The following UBE2L3 variants were observed in gnomAD, a reference collection of about 807,000 sequenced individuals.
UBE2L3 encodes ubiquitin conjugating enzyme E2 L3, also known as ubiquitin-conjugating enzyme E2 L3.
In UBE2L3, 1 loss-of-function variant was observed where a neutral mutation model predicts 17.8. The observed-to-expected ratio is 0.06, with a 90% CI of 0.02 to 0.27. UBE2L3 has a LOEUF of 0.27. Among genes scored for constraint, UBE2L3 ranks in the 10% least tolerant of loss-of-function variants. The pLI, the probability that UBE2L3 is intolerant of heterozygous loss-of-function variation, is 1.00. For synonymous variants in UBE2L3, 44 were observed against 68.5 expected (o/e 0.64, Z 1.76); for missense variants, 40 against 192.6 (o/e 0.21, Z 4.69).
Position 21,584,802 on chromosome 22 carries a change from A to G in UBE2L3, c.28-8059A>G, listed in dbSNP as rs1001418096. 5.9e-5 allele frequency among the ~76,000 whole-genome samples: 9 copies of G among 151,934 alleles called. No individual in the cohort carries two copies. The East Asian group carries it at 1.6e-3, about 27-fold the overall frequency. ...ATGGCAAAACCCCATCTCTACTAAA[A>G]ATACAAAAATGAGCTGGGCATGGTG... On this transcript the variant is annotated intron_variant, in intron 1 of 3. Coordinates refer to ENST00000342192, the MANE Select transcript of UBE2L3 (RefSeq NM_003347.4).
chr22:21,565,060 T>C (rs944161648), upstream of UBE2L3, among the ~76,000 whole-genome samples: 6 of 151,864 alleles, frequency 4.0e-5, no homozygotes, highest in Non-Finnish European at 7.4e-5. Flanking sequence ...CCAAGATGAG[T>C]GTGAGGCCAG....
rs140997724 is a variant in UBE2L3 at position 21,614,456 on chromosome 22, A to G, written c.310+3413A>G. The G allele has an allele frequency of 3.6e-4, 231 of 643,778 alleles. 1 individual carries two copies. Among genetic ancestry groups the G allele is most frequent in the Admixed American group, 2.6e-3 (98 of 38,154 alleles). The allele number at this position is 643,778 out of a possible 1,614,324, so 39.9% of individuals were successfully genotyped here. The stretch of plus-strand genomic sequence containing the variant: ...AAAAAAAAAAGAAAGAAAGAAAGGG[A>G]AAAAGCCACTTGTGCCACCCTCCTG... On this transcript the variant is annotated intron_variant, in intron 3 of 3. Coordinates refer to ENST00000342192, the MANE Select transcript of UBE2L3 (RefSeq NM_003347.4).
At chr22:21,575,631 CTTTTTTTTTTTT>C (rs533923826) in intron 1 of UBE2L3, among the ~76,000 whole-genome samples, 15 of 73,432 alleles carry the variant, frequency 2.0e-4, no homozygotes, top group South Asian at 1.9e-3. Context: ...AGTTGAATAG[CTTTTTTTTTTTT>C]TTTTTTTTTT....
upstream of UBE2L3, among the ~76,000 whole-genome samples, chr22:21,563,334 G>A (rs1471184102): frequency 2.7e-5 from 4 of 150,002 alleles, no homozygotes; most frequent in South Asian, 2.1e-4. Context: ...GGCAGATCAC[G>A]AGCTCAGGAG....
chr22:21,617,713 A>C (rs1929849161), intron 3 of UBE2L3, among the ~76,000 whole-genome samples: 1 of 152,184 alleles, frequency 6.6e-6, no homozygotes, highest in Admixed American at 6.5e-5. Context: ...AAAAATGTTG[A>C]TAGAGGGCCA....
rs1020380846 is a variant in UBE2L3 at position 21,622,298 on chromosome 22, T to G, written c.*629T>G. 6.5e-6 allele frequency: 1 copy of G among 153,180 alleles called. No homozygotes were observed. Among genetic ancestry groups the G allele is most frequent in the Non-Finnish European group, 1.5e-5 (1 of 68,572 alleles). 9.5% of individuals were successfully genotyped at this position (153,180 alleles called of 1,614,324 possible). A position where few individuals can be genotyped will look rare whatever the true frequency, so the allele number is the denominator to read the frequency against. On this transcript the variant is annotated 3_prime_UTR_variant, in exon 4 of 4. Transcript: ENST00000342192. ...AGTTCTTGTGTGAAACTCCAGCTGA[T>G]GTTACCACAGTAACATCAGTTAATT...
intron 2 of UBE2L3, among the ~76,000 whole-genome samples, chr22:21,606,664 A>G (rs751091114): frequency 6.6e-6 from 1 of 152,168 alleles, no homozygotes; most frequent in African/African-American, 2.4e-5. Context: ...AGCCTGGACA[A>G]CATAGTGAGA....
At chr22:21,567,805 G>T (rs192668130) in intron 1 of UBE2L3, 34 bp downstream of exon 1, 11 of 1,569,980 alleles carry the variant, frequency 7.0e-6, no homozygotes, top group Non-Finnish European at 9.5e-6. Flanking sequence ...GCCGGGCGTG[G>T]GGCGGCGTCC....
chr22:21,609,142 C>T (rs1929339888), intron 2 of UBE2L3, among the ~76,000 whole-genome samples: 1 of 152,098 alleles, frequency 6.6e-6, no homozygotes, highest in Non-Finnish European at 1.5e-5. Flanking sequence ...CGTGATCCAC[C>T]TGCCTTGGCC....
At chr22:21,565,254 G>A (rs1023022825), upstream of UBE2L3, among the ~76,000 whole-genome samples, 3 of 151,532 alleles carry the variant, frequency 2.0e-5, no homozygotes, top group Admixed American at 1.3e-4. Flanking sequence ...CACCACGCCC[G>A]GCTAATTTTT....
At chr22:21,573,262 C>T (rs554074869) in intron 1 of UBE2L3, among the ~76,000 whole-genome samples, 1 of 152,156 alleles carries the variant, frequency 6.6e-6, no homozygotes, top group African/African-American at 2.4e-5. Context: ...TACAAGTGCA[C>T]ATTCCTTAGC....
chr22:21,582,932 G>A (rs150427273), intron 1 of UBE2L3, among the ~76,000 whole-genome samples: 3,096 of 152,234 alleles, frequency 0.02, 50 homozygotes, highest in Non-Finnish European at 0.029. Context: ...GCAATAAGCA[G>A]GTCCTAGATG....
chr22:21,573,199 TCAGAGATTGGAG>T (rs1371724004), intron 1 of UBE2L3, among the ~76,000 whole-genome samples: 1 of 152,170 alleles, frequency 6.6e-6, no homozygotes, highest in Non-Finnish European at 1.5e-5. Flanking sequence ...GGCCCTGCTC[TCAGAGATTGGAG>T]CAGAATTTAG....
chr22:21,558,556 G>A (rs1303965459), intron 1 of UBE2L3, among the ~76,000 whole-genome samples: 1,654 of 151,814 alleles, frequency 0.011, 2 homozygotes, highest in African/African-American at 0.038. Flanking sequence ...GCGTGAACCC[G>A]GGAGGCAGAG....
At chr22:21,588,312 T>C (rs1427347232) in intron 1 of UBE2L3, among the ~76,000 whole-genome samples, 1 of 152,176 alleles carries the variant, frequency 6.6e-6, no homozygotes. Context: ...ATTCCTTCCC[T>C]AATTCTTCAC....
chr22:21,558,130 C>G (rs1926303914), intron 1 of UBE2L3, among the ~76,000 whole-genome samples: 1 of 150,846 alleles, frequency 6.6e-6, no homozygotes, highest in African/African-American at 2.4e-5. Flanking sequence ...TCCTGGGCAA[C>G]CTGGTTCACA....
chr22:21,585,757 A>AG (rs1245903396), intron 1 of UBE2L3, among the ~76,000 whole-genome samples: 2 of 152,040 alleles, frequency 1.3e-5, no homozygotes, highest in Non-Finnish European at 2.9e-5. Context: ...AAAGACATAG[A>AG]GGGGGGAAGT....
Position 21,592,977 on chromosome 22 carries a change from C to T in UBE2L3, c.123+21C>T, listed in dbSNP as rs1046476571. Reference sequence around the variant, plus strand: ...TTCCTGTGAGTATTGAACACTTCCACTTCCTACCAGATTATTCTTTAAGGT... The same window carrying T: ...TTCCTGTGAGTATTGAACACTTCCATTTCCTACCAGATTATTCTTTAAGGT... On this transcript the variant is annotated intron_variant, in intron 2 of 3. Coordinates refer to ENST00000342192, the MANE Select transcript of UBE2L3 (RefSeq NM_003347.4). The T allele has an allele frequency of 8.2e-6, 13 of 1,591,192 alleles. No individual in the cohort carries two copies. The Admixed American group carries it at 1.0e-4, about 12-fold the overall frequency.
intron 1 of UBE2L3, among the ~76,000 whole-genome samples, chr22:21,572,418 G>A (rs1452630628): frequency 2.4e-4 from 12 of 49,826 alleles, no homozygotes; most frequent in South Asian, 1.4e-3. Context: ...GCGAGACTCC[G>A]TCTCAAAAAA....
Sources: allele counts gnomAD v4.1 joint callset (sites outside exome capture counted in the v4.1 genomes callset), GRCh38; gene constraint gnomAD v4.1.1; transcripts MANE v1.5; gene names NCBI Gene and HGNC (gene_info 2026-07-23, HGNC 2026-07-21).